The following PDE11A variants were observed in gnomAD, a reference collection of about 807,000 sequenced individuals.
PDE11A encodes the protein dual 3',5'-cyclic-AMP and -GMP phosphodiesterase 11A.
A neutral mutation model predicts 100.5 loss-of-function variants in PDE11A; 100 were observed. That is an observed-to-expected ratio of 1.00 (90% CI 0.85 to 1.18). The LOEUF is 1.18. Among genes scored for constraint, PDE11A ranks in the 50% most tolerant of loss-of-function variants. The pLI, the probability that PDE11A is intolerant of heterozygous loss-of-function variation, is 0.00. For missense variants in PDE11A, 1,141 were observed against 1,152.6 expected (o/e 0.99, Z 0.15); for synonymous variants, 381 against 420.8 (o/e 0.91, Z 1.16).
chr2:177,741,796 C>G (rs370448791), intron 10 of PDE11A, among the ~76,000 whole-genome samples: 21 of 152,156 alleles, frequency 1.4e-4, no homozygotes, highest in African/African-American at 4.6e-4. Context: ...GTAATCCCAA[C>G]ACTTTGGAAG....
chr2:177,802,433 G>T, intron 9 of PDE11A, among the ~76,000 whole-genome samples: 1 of 152,126 alleles, frequency 6.6e-6, no homozygotes, highest in African/African-American at 2.4e-5. Flanking sequence ...TATTCACACA[G>T]CCCCAAAATG....
intron 5 of PDE11A, among the ~76,000 whole-genome samples, chr2:177,842,381 G>C (rs987596462): frequency 2.6e-5 from 4 of 152,210 alleles, no homozygotes; most frequent in Non-Finnish European, 4.4e-5. Context: ...GGAGGAGTTA[G>C]AAGGAAACAG....
intron 1 of PDE11A, among the ~76,000 whole-genome samples, chr2:178,032,982 G>A (rs1464439166): frequency 1.3e-5 from 2 of 152,176 alleles, no homozygotes; most frequent in African/African-American, 2.4e-5. Flanking sequence ...AAACCAGAAT[G>A]CCTCTTCTCC....
chr2:177,801,972 A>G (rs2105554574), intron 9 of PDE11A, among the ~76,000 whole-genome samples: 1 of 146,216 alleles, frequency 6.8e-6, no homozygotes, highest in African/African-American at 2.5e-5. Flanking sequence ...ATATCTGACC[A>G]GGGACTAGTA....
At chr2:177,904,933 T>C (rs530319088) in intron 3 of PDE11A, among the ~76,000 whole-genome samples, 165 bp downstream of exon 3, 13 of 152,206 alleles carry the variant, frequency 8.5e-5, no homozygotes, top group Admixed American at 1.3e-4. Flanking sequence ...TTTGGGCTTA[T>C]TGCTTAAAGT....
At chr2:177,860,992 T>A (rs545223404) in intron 5 of PDE11A, among the ~76,000 whole-genome samples, 1 of 151,872 alleles carries the variant, frequency 6.6e-6, no homozygotes, top group East Asian at 1.9e-4. Context: ...ACAGTAATGG[T>A]AAAAGACTGA....
intron 4 of PDE11A, among the ~76,000 whole-genome samples, chr2:177,884,562 G>A (rs552201064): frequency 1.3e-5 from 2 of 152,294 alleles, no homozygotes; most frequent in African/African-American, 4.8e-5. Context: ...GTAAAGGATA[G>A]AGCAAGGCTG....
intron 13 of PDE11A, among the ~76,000 whole-genome samples, chr2:177,704,948 CT>C (rs1228493834): frequency 7.2e-5 from 11 of 152,142 alleles, no homozygotes; most frequent in African/African-American, 2.7e-4. Flanking sequence ...TCAAGCGACT[CT>C]CTTGCCTCAG....
chr2:178,028,781 T>G (rs1049016715), intron 1 of PDE11A, among the ~76,000 whole-genome samples: 3 of 152,220 alleles, frequency 2.0e-5, no homozygotes, highest in Non-Finnish European at 4.4e-5. Context: ...AAAGATCTGA[T>G]ATATCGGCTA....
intron 1 of PDE11A, among the ~76,000 whole-genome samples, chr2:178,043,362 T>A (rs1333906672): frequency 6.6e-6 from 1 of 152,148 alleles, no homozygotes; most frequent in Non-Finnish European, 1.5e-5. Flanking sequence ...GATTTGACTA[T>A]CCAGAAAAGA....
At chr2:177,808,663 T>C (rs1012661481) in intron 9 of PDE11A, among the ~76,000 whole-genome samples, 1 of 152,084 alleles carries the variant, frequency 6.6e-6, no homozygotes, top group Non-Finnish European at 1.5e-5. Flanking sequence ...TTGCCCAGGA[T>C]GTGACATGCT....
chr2:178,058,971 AC>A (rs1215344224), intron 1 of PDE11A, among the ~76,000 whole-genome samples: 1 of 152,168 alleles, frequency 6.6e-6, no homozygotes, highest in Non-Finnish European at 1.5e-5. Context: ...CAGTGCATTC[AC>A]CCAGGGTCCT....
At chr2:177,914,403 C>A (rs1366349891) in intron 2 of PDE11A, among the ~76,000 whole-genome samples, 1 of 152,144 alleles carries the variant, frequency 6.6e-6, no homozygotes, top group African/African-American at 2.4e-5. Flanking sequence ...TTGGCCTACT[C>A]TCTCTCACAG....
chr2:177,790,782 A>T lies in PDE11A; in HGVS notation c.1738-21409T>A, dbSNP rs558228914. On this transcript the variant is annotated intron_variant, in intron 9 of 19. Transcript: ENST00000286063. The stretch of plus-strand genomic sequence containing the variant: ...ATTTATGCAGCCAAAAGACGCATGA[A>T]AAAATGCTCATCATCACTGGCCATC... 1.2e-4 allele frequency among the ~76,000 whole-genome samples: 18 copies of T among 152,406 alleles called. No homozygotes were observed. The South Asian group carries it at 3.3e-3, about 28-fold the overall frequency.
chr2:177,895,120 T>C (rs201893392), intron 4 of PDE11A, among the ~76,000 whole-genome samples: 2 of 150,266 alleles, frequency 1.3e-5, no homozygotes, highest in Non-Finnish European at 1.5e-5. Context: ...GAACTTAAAA[T>C]TAAAAAAAAA....
At chr2:177,720,671 G>T (rs1234431245) in intron 12 of PDE11A, among the ~76,000 whole-genome samples, 1 of 152,120 alleles carries the variant, frequency 6.6e-6, no homozygotes, top group Non-Finnish European at 1.5e-5. Context: ...CAAGCCAATT[G>T]CAGGTTGTCT....
intron 14 of PDE11A, among the ~76,000 whole-genome samples, chr2:177,700,320 A>AATG (rs1176836751): frequency 6.6e-6 from 1 of 151,812 alleles, no homozygotes; most frequent in Non-Finnish European, 1.5e-5. Flanking sequence ...GCAGGGCCTT[A>AATG]ATGATGATAA....
At chr2:177,639,382 G>A (rs899802799) in intron 19 of PDE11A, among the ~76,000 whole-genome samples, 1 of 152,150 alleles carries the variant, frequency 6.6e-6, no homozygotes, top group Non-Finnish European at 1.5e-5. Context: ...CAAGCTCAGA[G>A]AGACAGTGGA....
chr2:178,023,982 CT>C (rs1330250675), intron 1 of PDE11A, among the ~76,000 whole-genome samples: 1 of 152,140 alleles, frequency 6.6e-6, no homozygotes, highest in Admixed American at 6.6e-5. Context: ...CACCTGGGAC[CT>C]TTAGGAAAGT....
Sources: gnomAD v4.1 joint callset for allele counts (sites outside exome capture counted in the v4.1 genomes callset) on GRCh38, gnomAD v4.1.1 for gene constraint, MANE v1.5 for transcripts, NCBI Gene and HGNC (gene_info 2026-07-23, HGNC 2026-07-21) for gene names.